Variants in LRMDA observed in about 807,000 individuals in gnomAD.
The protein encoded by LRMDA is leucine-rich melanocyte differentiation-associated protein.
A neutral mutation model predicts 29.8 loss-of-function variants in LRMDA; 18 were observed. The observed-to-expected ratio is 0.60, with a 90% CI of 0.42 to 0.90. The LOEUF (loss-of-function observed/expected upper bound fraction) is 0.90. Among genes scored for constraint, LRMDA ranks in the 40% least tolerant of loss-of-function variants. The pLI is 0.00. For synonymous variants in LRMDA, 125 were observed against 109.4 expected, an observed-to-expected ratio of 1.14 and a Z score of -0.89; for missense variants, 273 against 273.9, an observed-to-expected ratio of 1.00 and a Z score of 0.02.
rs1848455551 is a variant in LRMDA, at chr10:76,047,271, G to T, written c.366G>T (p.Leu122Phe). 6 of 1,613,612 alleles carry T rather than the reference G, an allele frequency of 3.7e-6. No individual in the cohort carries two copies. The East Asian group carries it at 1.1e-4, about 30-fold the overall frequency. The change falls in exon 4 of 7, where the codon TTG becomes TTT. Residue 122 changes from leucine to phenylalanine, a missense_variant. Transcript: ENST00000611255. ...CCTGTCCCAACGAGCTGGTCAGCTT[G>T]GAAAAGGATGAGGAAGACTACAAGA... ...NVACPNELVS[L>F]EKDEEDYKRY... is the part of the protein sequence containing the mutation.
chr10:75,952,927 G>C (rs1436380709), intron 2 of LRMDA, among the ~76,000 whole-genome samples: 1 of 150,102 alleles, frequency 6.7e-6, no homozygotes, highest in East Asian at 2.0e-4. Context: ...GCTACCTTTT[G>C]TATTTTTAGT....
At position 75,657,532 on chromosome 10, in the gene LRMDA, A is replaced by G. The variant is rs548934072; in HGVS notation, c.131+219038A>G. On this transcript the variant is annotated intron_variant, in intron 2 of 6. Transcript: ENST00000611255. ...AGACTGCCTGGGATTCAAATCCCTG[A>G]TCCCTCACTTTCTAGTTGTGTGGCC... Among the ~76,000 whole-genome samples the G allele has an allele frequency of 4.6e-5, 7 of 152,282 alleles. No homozygotes were observed. In the South Asian group the frequency reaches 1.5e-3, roughly 32 times the overall value.
chr10:75,436,303 C>A (rs1844263363), intron 1 of LRMDA, among the ~76,000 whole-genome samples: 1 of 152,070 alleles, frequency 6.6e-6, no homozygotes, highest in Non-Finnish European at 1.5e-5. Flanking sequence ...GGAAAGAGCC[C>A]AGTTTCTGCA....
At chr10:76,108,238 G>A (rs1849519804) in intron 5 of LRMDA, among the ~76,000 whole-genome samples, 2 of 152,114 alleles carry the variant, frequency 1.3e-5, no homozygotes, top group South Asian at 4.2e-4. Context: ...CAATTGATCG[G>A]CGAACAAATC....
chr10:75,480,493 G>A (rs2132052482), intron 2 of LRMDA, among the ~76,000 whole-genome samples: 1 of 152,224 alleles, frequency 6.6e-6, no homozygotes, highest in Non-Finnish European at 1.5e-5. Context: ...AGGAGAGTTG[G>A]CCAAGTAAGG....
In LRMDA at chr10:76,417,991, T is replaced by G. The variant is rs80055798; in HGVS notation, c.601+93506T>G. On this transcript the variant is annotated intron_variant, in intron 6 of 6. Coordinates refer to ENST00000611255, the MANE Select transcript of LRMDA (RefSeq NM_001305581.2). ...AAGTTGTCTTGGACTCTCTATTCTGTCCCATTAGTATTCTTGTCTCTTCTG... is the reference window on the plus strand; with the variant it reads ...AAGTTGTCTTGGACTCTCTATTCTGGCCCATTAGTATTCTTGTCTCTTCTG... 1.5e-4 allele frequency among the ~76,000 whole-genome samples: 23 copies of G among 152,288 alleles called. No homozygotes were observed. The East Asian group carries it at 4.2e-3, about 28-fold the overall frequency.
intron 6 of LRMDA, among the ~76,000 whole-genome samples, chr10:76,333,904 C>T (rs1840935519): frequency 6.6e-6 from 1 of 152,196 alleles, no homozygotes; most frequent in Admixed American, 6.5e-5. Flanking sequence ...AGGAAGCCAG[C>T]ATGGTGTGTG....
intron 6 of LRMDA, among the ~76,000 whole-genome samples, chr10:76,517,265 G>T (rs1843071655): frequency 6.6e-6 from 1 of 152,104 alleles, no homozygotes; most frequent in African/African-American, 2.4e-5. Flanking sequence ...AAAGCATGCA[G>T]ATAAACTTAA....
At chr10:75,742,918 A>G (rs1842847692) in intron 2 of LRMDA, 2 of 152,214 alleles carry the variant, frequency 1.3e-5, no homozygotes. Context: ...CGGTATGCAC[A>G]AAACATTATG....
chr10:75,919,253 C>T (rs1270171125), intron 2 of LRMDA, among the ~76,000 whole-genome samples: 1 of 152,154 alleles, frequency 6.6e-6, no homozygotes, highest in African/African-American at 2.4e-5. Flanking sequence ...TCATGGGCAG[C>T]TCCAAAGCTG....
intron 2 of LRMDA, among the ~76,000 whole-genome samples, chr10:76,028,700 G>T (rs1848101176): frequency 6.6e-6 from 1 of 151,856 alleles, no homozygotes; most frequent in Non-Finnish European, 1.5e-5. Context: ...CCATTAATCA[G>T]TATTCTTCAG....
intron 2 of LRMDA, among the ~76,000 whole-genome samples, chr10:75,576,156 G>C (rs1229498101): frequency 6.6e-6 from 1 of 152,170 alleles, no homozygotes; most frequent in Non-Finnish European, 1.5e-5. Flanking sequence ...GTCTGAGCCT[G>C]ACCTGGGACA....
chr10:75,787,707 G>C (rs534023836), intron 2 of LRMDA, among the ~76,000 whole-genome samples: 2 of 152,320 alleles, frequency 1.3e-5, no homozygotes, highest in South Asian at 4.1e-4. Flanking sequence ...AAGTCTGAAG[G>C]TCTCTGTTTT....
chr10:76,191,137 G>A (rs1162103090), intron 5 of LRMDA, among the ~76,000 whole-genome samples: 2 of 152,116 alleles, frequency 1.3e-5, no homozygotes, highest in African/African-American at 4.8e-5. Flanking sequence ...GTATGTTGAG[G>A]TCACCTGCGA....
At chr10:76,210,912 TC>T (rs1167646380) in intron 5 of LRMDA, among the ~76,000 whole-genome samples, 29 of 152,176 alleles carry the variant, frequency 1.9e-4, no homozygotes, top group African/African-American at 6.5e-4. Flanking sequence ...TTATTGGATG[TC>T]TAAGAGTTTT....
chr10:76,511,082 A>C (rs1843005398), intron 6 of LRMDA, among the ~76,000 whole-genome samples: 1 of 152,224 alleles, frequency 6.6e-6, no homozygotes, highest in South Asian at 2.1e-4. Flanking sequence ...AGTTGTCCTA[A>C]GAAGGTGGGA....
intron 6 of LRMDA, among the ~76,000 whole-genome samples, chr10:76,422,160 T>C (rs1405469174): frequency 6.6e-6 from 1 of 152,074 alleles, no homozygotes; most frequent in Non-Finnish European, 1.5e-5. Context: ...CCAAGACTTA[T>C]AAGACTGTGA....
intron 6 of LRMDA, among the ~76,000 whole-genome samples, chr10:76,473,709 G>T (rs12778475): frequency 0.11 from 16,564 of 151,390 alleles, 992 homozygotes; most frequent in Middle Eastern, 0.17. Context: ...AACATCCATC[G>T]TAATTGTGAA....
At chr10:76,455,599 TCTC>T (rs1215450658) in intron 6 of LRMDA, among the ~76,000 whole-genome samples, 1 of 152,278 alleles carries the variant, frequency 6.6e-6, no homozygotes, top group Admixed American at 6.5e-5. Context: ...AAAGGTCTGT[TCTC>T]CTTGTGGTCA....
Sources: allele counts gnomAD v4.1 joint callset (sites outside exome capture counted in the v4.1 genomes callset), GRCh38; gene constraint gnomAD v4.1.1; transcripts MANE v1.5; gene names NCBI Gene and HGNC (gene_info 2026-07-23, HGNC 2026-07-21).